Variants in FARS2 observed in about 807,000 individuals in gnomAD.
FARS2 encodes phenylalanine--tRNA ligase, mitochondrial.
Under a neutral mutation model 46.4 loss-of-function variants are expected in FARS2, and 40 were observed. That is an observed-to-expected ratio of 0.86 (90% CI 0.67 to 1.12). The LOEUF (loss-of-function observed/expected upper bound fraction) is 1.12, where lower values mean the gene tolerates loss of function less well. Ranked by LOEUF, FARS2 falls within the 50% of genes most tolerant of loss-of-function variation. The pLI is 0.00. For missense variants in FARS2, 513 were observed against 567.9 expected (o/e 0.90, Z 0.98); for synonymous variants, 234 against 214.9 (o/e 1.09, Z -0.78).
At chr6:5,490,578 C>T (rs1181657396) in intron 4 of FARS2, among the ~76,000 whole-genome samples, 2 of 152,186 alleles carry the variant, frequency 1.3e-5, no homozygotes, top group Non-Finnish European at 1.5e-5. Context: ...CAGTCTCTTC[C>T]CATATTTTGT....
chr6:5,715,738 G>C (rs184287417), intron 6 of FARS2, among the ~76,000 whole-genome samples: 1 of 152,198 alleles, frequency 6.6e-6, no homozygotes, highest in African/African-American at 2.4e-5. Flanking sequence ...CAGTTGGACT[G>C]CTTTCACATT....
chr6:5,386,048 T>G lies in FARS2; in HGVS notation c.612+16866T>G, dbSNP rs75528224. ...TGACTAAGTGTTGTTCCTATATATATAGAGAGAGATGAAGTATAAACTCTG... is the reference window on the plus strand; with the variant it reads ...TGACTAAGTGTTGTTCCTATATATAGAGAGAGAGATGAAGTATAAACTCTG... On this transcript the variant is annotated intron_variant, in intron 2 of 6. Coordinates refer to ENST00000274680, the MANE Select transcript of FARS2 (RefSeq NM_006567.5). Among the ~76,000 whole-genome samples, 667 of 152,224 alleles carry G rather than the reference T, an allele frequency of 4.4e-3. 5 individuals carry two copies. Among genetic ancestry groups the G allele is most frequent in the Middle Eastern group, 0.01 (3 of 294 alleles).
At chr6:5,687,146 G>A (rs1012790062) in intron 6 of FARS2, among the ~76,000 whole-genome samples, 1 of 152,152 alleles carries the variant, frequency 6.6e-6, no homozygotes, top group African/African-American at 2.4e-5. Flanking sequence ...CATTTTGTAG[G>A]TTGCCTGTTC....
chr6:5,601,651 A>G (rs1362991717), intron 5 of FARS2, among the ~76,000 whole-genome samples: 1 of 151,738 alleles, frequency 6.6e-6, no homozygotes, highest in African/African-American at 2.4e-5. Flanking sequence ...TGGCTGTTGG[A>G]CCTTAGACAG....
intron 6 of FARS2, among the ~76,000 whole-genome samples, chr6:5,636,762 G>A (rs1776564396): frequency 6.6e-6 from 1 of 152,148 alleles, no homozygotes; most frequent in South Asian, 2.1e-4. Flanking sequence ...TACTTGCCCC[G>A]AGGAGTTCAG....
At chr6:5,625,074 T>C (rs999166563) in intron 6 of FARS2, among the ~76,000 whole-genome samples, 1 of 152,144 alleles carries the variant, frequency 6.6e-6, no homozygotes. Context: ...CAGTTAATGA[T>C]ATTGTCTTGA....
At chr6:5,299,151 CTT>C (rs1768107390) in intron 1 of FARS2, among the ~76,000 whole-genome samples, 1 of 152,140 alleles carries the variant, frequency 6.6e-6, no homozygotes, top group African/African-American at 2.4e-5. Flanking sequence ...CTTTAGCTCA[CTT>C]TGGGTTTTGA....
chr6:5,305,664 C>T (rs1320654636), intron 1 of FARS2, among the ~76,000 whole-genome samples: 1 of 152,124 alleles, frequency 6.6e-6, no homozygotes, highest in Non-Finnish European at 1.5e-5. Context: ...GACTGGGGAC[C>T]CCAAGTTGGG....
At chr6:5,557,013 TAGTTG>T (rs1771702131) in intron 5 of FARS2, among the ~76,000 whole-genome samples, 4 of 152,108 alleles carry the variant, frequency 2.6e-5, no homozygotes, top group African/African-American at 9.7e-5. Flanking sequence ...GTACATTTAA[TAGTTG>T]GTGGATTATA....
chr6:5,386,735 G>C (rs1429430689), intron 2 of FARS2, among the ~76,000 whole-genome samples: 1 of 152,210 alleles, frequency 6.6e-6, no homozygotes, highest in African/African-American at 2.4e-5. Flanking sequence ...AGAGTTAGGG[G>C]TCTCAGGAAG....
intron 4 of FARS2, among the ~76,000 whole-genome samples, chr6:5,444,697 G>A (rs1426948699): frequency 6.6e-6 from 1 of 152,086 alleles, no homozygotes; most frequent in African/African-American, 2.4e-5. Context: ...TAAATTAGAT[G>A]GATGGCTGTG....
chr6:5,601,139 G>A lies in FARS2; in HGVS notation c.1066-12030G>A, dbSNP rs369361837. ...GGCACCCTGTGGCCTCCAGAACAGT[G>A]AGAAGTAAATGTTTGTTGTTCAAGC... is the stretch of plus-strand genomic sequence containing the variant. On this transcript the variant is annotated intron_variant, in intron 5 of 6. Transcript: ENST00000274680. 1.3e-3 allele frequency among the ~76,000 whole-genome samples: 193 copies of A among 152,260 alleles called. 3 individuals are homozygous for A. The South Asian group carries it at 0.023, about 18-fold the overall frequency.
the FARS2 span, among the ~76,000 whole-genome samples, chr6:5,251,522 A>T: frequency 1.5e-4 from 23 of 152,198 alleles, no homozygotes. Context: ...CCAGAGCAGG[A>T]GCAAGCAAGC....
chr6:5,318,915 A>G (rs1769761513), intron 1 of FARS2, among the ~76,000 whole-genome samples: 1 of 152,186 alleles, frequency 6.6e-6, no homozygotes, highest in South Asian at 2.1e-4. Context: ...ATATCCAGTC[A>G]GCCTGCATCG....
chr6:5,446,778 A>G (rs1764210236), intron 4 of FARS2, among the ~76,000 whole-genome samples: 1 of 152,176 alleles, frequency 6.6e-6, no homozygotes, highest in Non-Finnish European at 1.5e-5. Flanking sequence ...ATATATATAT[A>G]TAGTAATATG....
At chr6:5,301,798 CACAT>C (rs1333059273) in intron 1 of FARS2, among the ~76,000 whole-genome samples, 56 of 126,004 alleles carry the variant, frequency 4.4e-4, no homozygotes, top group African/African-American at 1.8e-3. Flanking sequence ...ATCTCACACA[CACAT>C]ACACACACAC....
intron 6 of FARS2, among the ~76,000 whole-genome samples, chr6:5,746,933 G>T (rs1487500228): frequency 1.3e-5 from 2 of 152,194 alleles, no homozygotes; most frequent in Admixed American, 6.5e-5. Context: ...ATTATGATGG[G>T]AGAGCGTGTG....
chr6:5,546,552 C>T (rs1351368291), intron 5 of FARS2, among the ~76,000 whole-genome samples: 1 of 151,750 alleles, frequency 6.6e-6, no homozygotes, highest in Admixed American at 6.6e-5. Flanking sequence ...GCCCAGCCCT[C>T]ATCTAGTATC....
At chr6:5,361,049 C>T (rs1345939621) in intron 1 of FARS2, among the ~76,000 whole-genome samples, 1 of 152,062 alleles carries the variant, frequency 6.6e-6, no homozygotes. Context: ...AATATAAATA[C>T]ATAAAATAGA....
Sources: gnomAD v4.1 joint callset for allele counts (sites outside exome capture counted in the v4.1 genomes callset) on GRCh38, gnomAD v4.1.1 for gene constraint, MANE v1.5 for transcripts, NCBI Gene and HGNC (gene_info 2026-07-23, HGNC 2026-07-21) for gene names.